Variants in SPATA16 observed in about 807,000 individuals in gnomAD.
SPATA16 encodes the protein spermatogenesis associated 16.
A neutral mutation model predicts 63.3 loss-of-function variants in SPATA16; 36 were observed. The ratio of observed to expected loss-of-function variants is 0.57; its 90% CI spans 0.44 to 0.75. SPATA16 has a LOEUF of 0.75. Ranked by LOEUF, SPATA16 falls within the 30% of genes least tolerant of loss-of-function variation. SPATA16 has a pLI of 0.00. For missense variants in SPATA16, 646 were observed against 679.3 expected (o/e 0.95, Z 0.54); for synonymous variants, 203 against 216.7 (o/e 0.94, Z 0.56).
intron 2 of SPATA16, among the ~76,000 whole-genome samples, chr3:173,090,667 C>A (rs781522498): frequency 2.0e-5 from 3 of 152,186 alleles, no homozygotes; most frequent in African/African-American, 7.2e-5. Flanking sequence ...CACTGAATTG[C>A]GGTAGCATTT....
In SPATA16 at chr3:172,939,127, TTA is replaced by T. The variant is rs146623309; in HGVS notation, c.1082-13637_1082-13636del. ...AAAACCAATGTATACTCTCCATGCA[TTA>T]TGATTTTGCTTATAACTTCTGCCTT... On this transcript the variant is annotated intron_variant, in intron 6 of 10. Coordinates refer to ENST00000351008, the MANE Select transcript of SPATA16 (RefSeq NM_031955.6). Among the ~76,000 whole-genome samples, 1,337 of 152,326 alleles carry T rather than the reference TTA, an allele frequency of 8.8e-3. 29 individuals are homozygous for T. The highest frequency in any genetic ancestry group is 0.044 in the Admixed American group (675 of 15,302).
intron 6 of SPATA16, among the ~76,000 whole-genome samples, chr3:172,933,901 G>A (rs1415699722): frequency 2.0e-5 from 3 of 152,066 alleles, no homozygotes; most frequent in Non-Finnish European, 4.4e-5. Context: ...CTGTCATGTT[G>A]AATTTCTAGG....
intron 6 of SPATA16, among the ~76,000 whole-genome samples, chr3:172,938,004 G>A (rs1733049489): frequency 6.6e-6 from 1 of 152,078 alleles, no homozygotes; most frequent in Admixed American, 6.5e-5. Context: ...TGACAAGTGG[G>A]AAATCTCAGA....
At chr3:172,980,755 TG>T (rs750990703) in intron 4 of SPATA16, among the ~76,000 whole-genome samples, 6 of 152,228 alleles carry the variant, frequency 3.9e-5, no homozygotes, top group Non-Finnish European at 7.3e-5. Context: ...CAAATGCTGT[TG>T]TTTCTTCCTT....
At chr3:173,048,200 CTCAAAG>C (rs1735999826) in intron 3 of SPATA16, among the ~76,000 whole-genome samples, 1 of 152,012 alleles carries the variant, frequency 6.6e-6, no homozygotes, top group African/African-American at 2.4e-5. Context: ...AGGTAAATTG[CTCAAAG>C]TCAGGCAGGG....
At chr3:172,929,937 A>G (rs964139689) in intron 6 of SPATA16, among the ~76,000 whole-genome samples, 7 of 152,086 alleles carry the variant, frequency 4.6e-5, no homozygotes, top group African/African-American at 1.7e-4. Flanking sequence ...TATTCACCCA[A>G]TTATTCTGGC....
intron 2 of SPATA16, among the ~76,000 whole-genome samples, chr3:173,098,615 T>C (rs1358531831): frequency 1.3e-5 from 2 of 151,990 alleles, no homozygotes; most frequent in African/African-American, 4.8e-5. Context: ...GATGAAGAAG[T>C]GGAAGATCAT....
intron 4 of SPATA16, among the ~76,000 whole-genome samples, chr3:173,011,780 A>G (rs1421938927): frequency 6.6e-6 from 1 of 152,190 alleles, no homozygotes; most frequent in African/African-American, 2.4e-5. Flanking sequence ...AAAAATCAGT[A>G]GCATTCTTTT....
intron 3 of SPATA16, among the ~76,000 whole-genome samples, chr3:173,029,144 T>C (rs946412154): frequency 6.6e-6 from 1 of 152,040 alleles, no homozygotes; most frequent in South Asian, 2.1e-4. Flanking sequence ...AACATTTAAA[T>C]GATATTTAGA....
intron 2 of SPATA16, among the ~76,000 whole-genome samples, chr3:173,071,453 A>C (rs1227346794): frequency 2.0e-5 from 3 of 152,192 alleles, no homozygotes; most frequent in Non-Finnish European, 4.4e-5. Flanking sequence ...AAAAATGGGC[A>C]AATGGGATCA....
chr3:173,094,270 G>C (rs146280192), intron 2 of SPATA16, among the ~76,000 whole-genome samples: 1 of 152,068 alleles, frequency 6.6e-6, no homozygotes, highest in Non-Finnish European at 1.5e-5. Context: ...AAGGGTCACC[G>C]TCCCACTATA....
At chr3:172,918,196 C>T (rs983437693) in intron 8 of SPATA16, among the ~76,000 whole-genome samples, 7 of 152,110 alleles carry the variant, frequency 4.6e-5, no homozygotes, top group East Asian at 1.9e-4. Flanking sequence ...GGAGGAGAAA[C>T]GGTTTTCATT....
At chr3:172,901,723 T>G (rs1732130998) in intron 10 of SPATA16, among the ~76,000 whole-genome samples, 1 of 152,154 alleles carries the variant, frequency 6.6e-6, no homozygotes, top group Non-Finnish European at 1.5e-5. Context: ...CGGAGAGGCT[T>G]CTCATTACTT....
At chr3:173,115,666 A>G (rs540153993) in intron 2 of SPATA16, among the ~76,000 whole-genome samples, 3 of 152,292 alleles carry the variant, frequency 2.0e-5, no homozygotes, top group African/African-American at 7.2e-5. Flanking sequence ...ATTACTTCAT[A>G]TCTACTCAGG....
At chr3:172,903,225 A>G (rs891842243) in intron 10 of SPATA16, among the ~76,000 whole-genome samples, 4 of 152,250 alleles carry the variant, frequency 2.6e-5, no homozygotes, top group Admixed American at 2.6e-4. Flanking sequence ...AGAAGGAACT[A>G]CAAACTTACT....
intron 3 of SPATA16, among the ~76,000 whole-genome samples, chr3:173,025,052 A>AT (rs1020392204): frequency 2.7e-5 from 4 of 150,808 alleles, no homozygotes; most frequent in Non-Finnish European, 4.4e-5. Flanking sequence ...TCAAAAGGGT[A>AT]TTTTTTTCTT....
chr3:172,962,091 A>G (rs141950129), intron 5 of SPATA16, among the ~76,000 whole-genome samples: 2 of 152,078 alleles, frequency 1.3e-5, no homozygotes, highest in East Asian at 3.9e-4. Context: ...TGTCTCAAAT[A>G]AAAATATAAA....
intron 2 of SPATA16, among the ~76,000 whole-genome samples, chr3:173,078,179 C>T (rs74795011): frequency 0.013 from 2,010 of 152,156 alleles, 54 homozygotes; most frequent in African/African-American, 0.045. Context: ...ATAACTTCAT[C>T]ATCACAACGC....
chr3:172,918,312 C>T (rs1333741699), intron 8 of SPATA16, among the ~76,000 whole-genome samples: 5 of 152,174 alleles, frequency 3.3e-5, no homozygotes, highest in Non-Finnish European at 4.4e-5. Context: ...CAACTGCAGG[C>T]TGCTCAGGAA....
Sources: allele counts gnomAD v4.1 joint callset (sites outside exome capture counted in the v4.1 genomes callset), GRCh38; gene constraint gnomAD v4.1.1; transcripts MANE v1.5; gene names NCBI Gene and HGNC (gene_info 2026-07-23, HGNC 2026-07-21).